RAB30: variants seen among roughly 807,000 people sequenced by gnomAD.
RAB30 encodes the protein RAB30, member RAS oncogene family.
Under a neutral mutation model 25.1 loss-of-function variants are expected in RAB30, and 9 were observed. The observed-to-expected ratio is 0.36, with a 90% confidence interval of 0.22 to 0.63. The LOEUF (loss-of-function observed/expected upper bound fraction) is 0.63, where lower values mean the gene tolerates loss of function less well. Among genes scored for constraint, RAB30 ranks in the 20% least tolerant of loss-of-function variants. The probability of loss-of-function intolerance (pLI) is 0.69; values close to 1 mark genes in which losing one functional copy is unlikely to be tolerated. For synonymous variants in RAB30, 77 were observed against 86.4 expected (o/e 0.89, Z 0.60); for missense variants, 140 against 243.5 (o/e 0.58, Z 2.83).
chr11:83,043,802 C>T (rs1858180322), intron 1 of RAB30, among the ~76,000 whole-genome samples: 1 of 152,182 alleles, frequency 6.6e-6, no homozygotes, highest in Admixed American at 6.5e-5. Flanking sequence ...CCACACACCT[C>T]TATTTACCCC....
intron 1 of RAB30, among the ~76,000 whole-genome samples, chr11:83,015,755 G>A (rs1795176253): frequency 6.6e-6 from 1 of 152,324 alleles, no homozygotes; most frequent in Middle Eastern, 3.4e-3. Context: ...AGAAAGCTCA[G>A]AGAGGTAGGA....
In RAB30 at chr11:83,037,373, C is replaced by T. The variant is rs371544212; in HGVS notation, c.-9+34318G>A. On this transcript the variant is annotated intron_variant, in intron 1 of 4. Coordinates refer to ENST00000527633, the MANE Select transcript of RAB30 (RefSeq NM_001286060.2). ...CAAGCAATTCTCCTGCCTCAGCCTCCCTAGTAGCTGGGATTACAGGCGCCC... is the reference window on the plus strand; with the variant it reads ...CAAGCAATTCTCCTGCCTCAGCCTCTCTAGTAGCTGGGATTACAGGCGCCC... Among the ~76,000 whole-genome samples the T allele has an allele frequency of 3.9e-3, 591 of 151,998 alleles. 3 individuals are homozygous for T. The highest frequency in any genetic ancestry group is 0.014 in the African/African-American group (565 of 41,454).
Position 82,981,208 on chromosome 11 carries a change from T to C in RAB30, c.*957A>G, listed in dbSNP as rs1047249212. On this transcript the variant is annotated 3_prime_UTR_variant, in exon 5 of 5. Transcript: ENST00000527633. ...ATTAATCCACAGTATTTTGGTCATATCTGGTCTGTTTCCTCATACTACTCA... is the reference window on the plus strand; with the variant it reads ...ATTAATCCACAGTATTTTGGTCATACCTGGTCTGTTTCCTCATACTACTCA... 6.6e-6 allele frequency: 1 copy of C among 152,240 alleles called. No homozygotes were observed. Among genetic ancestry groups the C allele is most frequent in the African/African-American group, 2.4e-5 (1 of 41,454 alleles). 9.4% of individuals were successfully genotyped at this position (152,240 alleles called of 1,614,324 possible).
chr11:83,023,359 C>T (rs750040266), intron 1 of RAB30, among the ~76,000 whole-genome samples: 3 of 152,160 alleles, frequency 2.0e-5, no homozygotes, highest in Non-Finnish European at 2.9e-5. Context: ...TTAAGGTCAG[C>T]GCTCAGATAA....
Position 82,997,207 on chromosome 11 carries a change from C to T in RAB30, c.93+17G>A. On this transcript the variant is annotated intron_variant, in intron 2 of 4. Transcript: ENST00000527633. ...ACCCAACCCTGGGCTTACGAGTTCC[C>T]TTACGAGTTCCCTTACCTGAGTGAA... The T allele has an allele frequency of 3.8e-6, 6 of 1,589,754 alleles. No individual in the cohort carries two copies. Among genetic ancestry groups the T allele is most frequent in the Non-Finnish European group, 5.2e-6 (6 of 1,157,890 alleles).
chr11:82,997,934 ACTC>A (rs1166143350), intron 1 of RAB30, among the ~76,000 whole-genome samples: 1 of 151,250 alleles, frequency 6.6e-6, no homozygotes, highest in Admixed American at 6.6e-5. Context: ...CTGTCTGTTC[ACTC>A]CTCTGGGCTT....
At position 82,973,792 on chromosome 11, in the gene RAB30, A is replaced by G. The variant is rs898064107; in HGVS notation, c.*8373T>C. ...GAGAGATGTGAAAACATACACCCATACAAAAAACTTTTACATAAATGTTCA... is the reference window on the plus strand; with the variant it reads ...GAGAGATGTGAAAACATACACCCATGCAAAAAACTTTTACATAAATGTTCA... On this transcript the variant is annotated 3_prime_UTR_variant, in exon 5 of 5. Coordinates refer to ENST00000527633, the MANE Select transcript of RAB30 (RefSeq NM_001286060.2). The G allele has an allele frequency of 6.6e-6, 1 of 152,238 alleles. No individual in the cohort carries two copies. Among genetic ancestry groups the G allele is most frequent in the Non-Finnish European group, 1.5e-5 (1 of 68,036 alleles). The allele number at this position is 152,238 out of a possible 1,614,324, so 9.4% of individuals were successfully genotyped here.
chr11:83,058,283 A>G (rs191938817), intron 1 of RAB30, among the ~76,000 whole-genome samples: 15 of 152,302 alleles, frequency 9.8e-5, no homozygotes, highest in African/African-American at 3.4e-4. Flanking sequence ...CTATACTATT[A>G]TCTAATCTCA....
chr11:83,036,518 CCATT>C (rs1213229936), intron 1 of RAB30, among the ~76,000 whole-genome samples: 2 of 152,132 alleles, frequency 1.3e-5, no homozygotes, highest in African/African-American at 2.4e-5. Context: ...AATTATGAGT[CCATT>C]CATTTATTCC....
At chr11:83,026,340 T>C (rs1446778026) in intron 1 of RAB30, among the ~76,000 whole-genome samples, 2 of 152,220 alleles carry the variant, frequency 1.3e-5, no homozygotes, top group Non-Finnish European at 2.9e-5. Context: ...GTTGGAGGTG[T>C]GGCCTAGTGT....
intron 1 of RAB30, among the ~76,000 whole-genome samples, chr11:83,056,847 G>T (rs921109586): frequency 3.9e-5 from 6 of 152,124 alleles, no homozygotes; most frequent in Non-Finnish European, 8.8e-5. Context: ...CTAAAAAAAA[G>T]TTTGCCAATA....
At chr11:83,048,229 C>T (rs1160473413) in intron 1 of RAB30, among the ~76,000 whole-genome samples, 3 of 152,160 alleles carry the variant, frequency 2.0e-5, no homozygotes, top group Non-Finnish European at 4.4e-5. Context: ...CACCTCTAAT[C>T]CCAGCACTTA....
chr11:83,027,325 G>A (rs1857745750), intron 1 of RAB30, among the ~76,000 whole-genome samples: 1 of 152,148 alleles, frequency 6.6e-6, no homozygotes, highest in Admixed American at 6.5e-5. Flanking sequence ...CAGCGTGGAT[G>A]AGGGGGAAAC....
chr11:83,010,734 C>T (rs1284497628), intron 1 of RAB30, among the ~76,000 whole-genome samples: 3 of 152,180 alleles, frequency 2.0e-5, no homozygotes. Context: ...ATGCAGTTAG[C>T]TCACTGCTGA....
At chr11:82,988,698 G>A (rs887500785) in intron 3 of RAB30, among the ~76,000 whole-genome samples, 3 of 152,148 alleles carry the variant, frequency 2.0e-5, no homozygotes, top group African/African-American at 4.8e-5. Flanking sequence ...TACTGAAAAC[G>A]AATTATTCTC....
At chr11:82,989,424 C>G in intron 3 of RAB30, among the ~76,000 whole-genome samples, 1 of 152,250 alleles carries the variant, frequency 6.6e-6, no homozygotes, top group East Asian at 1.9e-4. Flanking sequence ...TCTGCAGTTG[C>G]AGCTGCTCTT....
chr11:83,033,759 T>A (rs944744880), intron 1 of RAB30, among the ~76,000 whole-genome samples: 9 of 151,964 alleles, frequency 5.9e-5, no homozygotes, highest in Admixed American at 5.9e-4. Context: ...AATAAATAAA[T>A]AAAAATCTCA....
At chr11:82,993,954 G>T in intron 3 of RAB30, 85 bp downstream of exon 3, 2 of 1,089,958 alleles carry the variant, frequency 1.8e-6, no homozygotes, top group Non-Finnish European at 2.7e-6. Context: ...TCAATTAGGA[G>T]ATTTAATAAA....
At chr11:83,015,022 G>C (rs772036037) in intron 1 of RAB30, among the ~76,000 whole-genome samples, 12 of 152,198 alleles carry the variant, frequency 7.9e-5, no homozygotes, top group South Asian at 2.1e-4. Flanking sequence ...AACAAGAAGA[G>C]AACTGGGAGA....
Sources: allele counts gnomAD v4.1 joint callset (sites outside exome capture counted in the v4.1 genomes callset), GRCh38; gene constraint gnomAD v4.1.1; transcripts MANE v1.5; gene names NCBI Gene and HGNC (gene_info 2026-07-23, HGNC 2026-07-21).